Variants in RYR3 observed in about 807,000 individuals in gnomAD.
RYR3 encodes the protein brain ryanodine receptor-calcium release channel.
RYR3 carries 207 observed loss-of-function variants against 584.3 expected under a neutral mutation model. That is an observed-to-expected ratio of 0.35 (90% CI 0.32 to 0.40). RYR3 has a LOEUF of 0.40. Among genes scored for constraint, RYR3 ranks in the 10% least tolerant of loss-of-function variants. The pLI is 1.00. For synonymous variants in RYR3, 2,416 were observed against 2,248.5 expected, an observed-to-expected ratio of 1.07 and a Z score of -2.11; for missense variants, 5,616 against 6,089.2, an observed-to-expected ratio of 0.92 and a Z score of 2.59.
At chr15:33,489,164 G>T (rs1168953168) in intron 2 of RYR3, among the ~76,000 whole-genome samples, 1 of 152,046 alleles carries the variant, frequency 6.6e-6, no homozygotes, top group African/African-American at 2.4e-5. Flanking sequence ...ATTTTTTTTA[G>T]AAATTAAGAT....
intron 1 of RYR3, among the ~76,000 whole-genome samples, chr15:33,463,974 T>G (rs543417619): frequency 8.5e-5 from 13 of 152,246 alleles, no homozygotes; most frequent in South Asian, 4.2e-4. Context: ...CCAGGTTTTT[T>G]GGGGGTTTAC....
intron 97 of RYR3, among the ~76,000 whole-genome samples, 158 bp from the exon 98 acceptor site, chr15:33,854,608 A>C (rs1016921750): frequency 6.6e-6 from 1 of 152,328 alleles, no homozygotes; most frequent in East Asian, 1.9e-4. Context: ...GGTATAAGGT[A>C]GATGGGGCTC....
At chr15:33,720,259 T>G (rs1476682986) in intron 43 of RYR3, among the ~76,000 whole-genome samples, 1 of 152,178 alleles carries the variant, frequency 6.6e-6, no homozygotes, top group Admixed American at 6.5e-5. Context: ...ACTACACCTG[T>G]GGTCTGAGGT....
chr15:33,330,891 GT>G (rs899596149), intron 1 of RYR3, among the ~76,000 whole-genome samples: 18 of 152,160 alleles, frequency 1.2e-4, no homozygotes, highest in Non-Finnish European at 2.5e-4. Flanking sequence ...TTTAGCATTT[GT>G]GTTTTAGTAT....
intron 2 of RYR3, 42 bp downstream of exon 2, chr15:33,473,580 G>A (rs748642626): frequency 4.0e-5 from 64 of 1,604,546 alleles, no homozygotes; most frequent in Admixed American, 6.7e-5. Flanking sequence ...CCACCTTGGC[G>A]TCTGACAAAG....
chr15:33,548,037 C>T, intron 8 of RYR3, 93 bp from the exon 9 acceptor site: 1 of 835,350 alleles, frequency 1.2e-6, no homozygotes, highest in Admixed American at 2.1e-5. Context: ...TAGACAAGCT[C>T]AGTACCTGAA....
At chr15:33,604,442 G>A (rs1379439178) in intron 18 of RYR3, among the ~76,000 whole-genome samples, 1 of 152,004 alleles carries the variant, frequency 6.6e-6, no homozygotes, top group Non-Finnish European at 1.5e-5. Flanking sequence ...TTTTTTTGTT[G>A]TTGTTATTTT....
intron 2 of RYR3, among the ~76,000 whole-genome samples, chr15:33,477,124 A>C (rs1261599428): frequency 6.6e-6 from 1 of 152,190 alleles, no homozygotes; most frequent in Non-Finnish European, 1.5e-5. Context: ...ACTGGGCATG[A>C]GGCACAGACA....
intron 43 of RYR3, among the ~76,000 whole-genome samples, chr15:33,714,165 C>T (rs1470840723): frequency 6.6e-6 from 1 of 152,100 alleles, no homozygotes; most frequent in African/African-American, 2.4e-5. Context: ...TGTTGTCTTC[C>T]TGTCTCCCTA....
At chr15:33,664,847 C>T (rs890351216) in intron 36 of RYR3, among the ~76,000 whole-genome samples, 3 of 152,028 alleles carry the variant, frequency 2.0e-5, no homozygotes, top group Non-Finnish European at 4.4e-5. Context: ...CATCCAATTA[C>T]TTTCCTAACC....
At position 33,493,949 on chromosome 15, in the gene RYR3, G is replaced by T. The variant is rs553721154; in HGVS notation, c.172-9682G>T. On this transcript the variant is annotated intron_variant, in intron 2 of 103. Transcript: ENST00000634891. ...TAATGATGATGATGATGATGATGATGATATTGATAATTGATGCAAGTGTTG... is the reference window on the plus strand; with the variant it reads ...TAATGATGATGATGATGATGATGATTATATTGATAATTGATGCAAGTGTTG... 5.1e-4 allele frequency among the ~76,000 whole-genome samples: 77 copies of T among 152,152 alleles called. 1 individual carries two copies. Among genetic ancestry groups the T allele is most frequent in the African/African-American group, 1.8e-3 (75 of 41,478 alleles).
intron 2 of RYR3, among the ~76,000 whole-genome samples, chr15:33,483,993 C>T (rs539230355): frequency 6.6e-6 from 1 of 152,194 alleles, no homozygotes; most frequent in South Asian, 2.1e-4. Flanking sequence ...AGTAATATTC[C>T]TTTCAGTTCT....
At chr15:33,499,096 C>T (rs533864882) in intron 2 of RYR3, among the ~76,000 whole-genome samples, 1 of 152,064 alleles carries the variant, frequency 6.6e-6, no homozygotes, top group African/African-American at 2.4e-5. Flanking sequence ...CAAACTCCTC[C>T]TTGGCAAGAG....
chr15:33,865,414 T>TGGGAGAGA lies in RYR3; in HGVS notation c.*189_*196dup. On this transcript the variant is annotated 3_prime_UTR_variant, in exon 104 of 104. Coordinates refer to ENST00000634891, the MANE Select transcript of RYR3 (RefSeq NM_001036.6). Reference sequence around the variant, plus strand: ...TTTTGTGCCTAATGGACATACACTGTGGGAGAGAACCTGTCAAAATGTCGA... The same window carrying TGGGAGAGA: ...TTTTGTGCCTAATGGACATACACTGTGGGAGAGAGGGAGAGAACCTGTCAAAATGTCGA... The TGGGAGAGA allele has an allele frequency of 1.8e-6, 1 of 545,332 alleles. No individual in the cohort carries two copies. Among genetic ancestry groups the TGGGAGAGA allele is most frequent in the Non-Finnish European group, 3.3e-6 (1 of 307,350 alleles). The allele number at this position is 545,332 out of a possible 1,614,324, so 33.8% of individuals were successfully genotyped here. A position where few individuals can be genotyped will look rare whatever the true frequency, so the allele number is the denominator to read the frequency against.
chr15:33,604,629 T>G (rs1229362130), intron 18 of RYR3, among the ~76,000 whole-genome samples: 1 of 152,230 alleles, frequency 6.6e-6, no homozygotes, highest in African/African-American at 2.4e-5. Context: ...GGATTCAAAA[T>G]GGCAGGATGA....
intron 27 of RYR3, among the ~76,000 whole-genome samples, chr15:33,636,784 C>T (rs1187838959): frequency 6.6e-6 from 1 of 152,186 alleles, no homozygotes; most frequent in Admixed American, 6.5e-5. Flanking sequence ...GATAGGTTAA[C>T]CAAGAAGCTA....
intron 93 of RYR3, chr15:33,847,226 C>T (rs1456302205): frequency 1.3e-5 from 2 of 152,210 alleles, no homozygotes; most frequent in Non-Finnish European, 2.9e-5. Flanking sequence ...TTGCCACCTT[C>T]CTATCGTGAG....
At chr15:33,824,431 G>T (rs2152962055) in intron 81 of RYR3, among the ~76,000 whole-genome samples, 1 of 152,320 alleles carries the variant, frequency 6.6e-6, no homozygotes, top group South Asian at 2.1e-4. Flanking sequence ...AGAAATGTGT[G>T]TTGCATAGAT....
intron 34 of RYR3, among the ~76,000 whole-genome samples, chr15:33,661,799 GA>G (rs1646802888): frequency 6.6e-6 from 1 of 152,162 alleles, no homozygotes; most frequent in Non-Finnish European, 1.5e-5. Flanking sequence ...TTACATTTCT[GA>G]GGGAAATGAA....
Sources: gnomAD v4.1 joint callset for allele counts (sites outside exome capture counted in the v4.1 genomes callset) on GRCh38, gnomAD v4.1.1 for gene constraint, MANE v1.5 for transcripts, NCBI Gene and HGNC (gene_info 2026-07-23, HGNC 2026-07-21) for gene names.